OCM: variants seen among roughly 807,000 people sequenced by gnomAD.
The protein encoded by OCM is oncomodulin-1.
A neutral mutation model predicts 14.1 loss-of-function variants in OCM; 18 were observed. The observed-to-expected ratio is 1.28, with a 90% CI of 0.88 to 1.89. The LOEUF (loss-of-function observed/expected upper bound fraction) is 1.89, where lower values mean the gene tolerates loss of function less well. Ranked by LOEUF, OCM falls within the 40% of genes most tolerant of loss-of-function variation. The pLI, the probability that OCM is intolerant of heterozygous loss-of-function variation, is 0.00. For missense variants in OCM, 140 were observed against 137.6 expected (o/e 1.02, Z -0.09); for synonymous variants, 48 against 51.0 (o/e 0.94, Z 0.25).
the OCM span, among the ~76,000 whole-genome samples, chr7:5,874,440 G>A: frequency 1.3e-5 from 2 of 152,048 alleles, no homozygotes; most frequent in South Asian, 2.1e-4. Flanking sequence ...TGCAACATAT[G>A]TCAGATGCAT....
the OCM span, among the ~76,000 whole-genome samples, chr7:5,862,011 T>A: frequency 6.6e-6 from 1 of 152,148 alleles, no homozygotes; most frequent in Non-Finnish European, 1.5e-5. Context: ...GTGATCCTCC[T>A]GCGTCAGCCT....
upstream of OCM, among the ~76,000 whole-genome samples, chr7:5,879,455 A>C (rs998053869): frequency 2.0e-5 from 3 of 151,888 alleles, no homozygotes; most frequent in African/African-American, 7.3e-5. Flanking sequence ...GAGTCTGTCA[A>C]CTCCAGACTG....
upstream of OCM, among the ~76,000 whole-genome samples, chr7:5,878,819 G>C (rs1466621348): frequency 8.2e-6 from 1 of 122,666 alleles, no homozygotes; most frequent in African/African-American, 3.0e-5. Flanking sequence ...TAATTAAAAA[G>C]AACAGTCTAG....
chr7:5,870,217 C>T, the OCM span, among the ~76,000 whole-genome samples: 3 of 152,044 alleles, frequency 2.0e-5, no homozygotes, highest in Non-Finnish European at 2.9e-5. Context: ...AGCCATCCAT[C>T]CTCCCACCTC....
chr7:5,870,325 T>C, the OCM span, among the ~76,000 whole-genome samples: 1 of 152,162 alleles, frequency 6.6e-6, no homozygotes, highest in Non-Finnish European at 1.5e-5. Flanking sequence ...TTGCCCAATC[T>C]GGTCTCAAAC....
chr7:5,883,870 G>T lies in OCM; in HGVS notation c.195-20G>T. On this transcript the variant is annotated intron_variant, in intron 2 of 3. Transcript: ENST00000242104. ...GCATGATCTTTTTGAAAATCCCCAT[G>T]GATCTTTATTATCCTGTAGGTTTTT... is the stretch of plus-strand genomic sequence containing the variant. The T allele has an allele frequency of 6.2e-7, 1 of 1,612,176 alleles. No individual in the cohort carries two copies. Among genetic ancestry groups the T allele is most frequent in the South Asian group, 1.1e-5 (1 of 90,894 alleles).
chr7:5,878,354 A>G (rs111717398), upstream of OCM, among the ~76,000 whole-genome samples: 12,483 of 152,068 alleles, frequency 0.082, 612 homozygotes, highest in Admixed American at 0.12. Context: ...AGCTCAGTGG[A>G]TACAGAGTTT....
intron 1 of OCM, among the ~76,000 whole-genome samples, chr7:5,881,317 A>C (rs1329624170): frequency 1.4e-5 from 2 of 146,734 alleles, no homozygotes; most frequent in Admixed American, 6.8e-5. Flanking sequence ...GACTCTGTCT[A>C]CAAAAAAAAA....
chr7:5,867,087 A>G, the OCM span, among the ~76,000 whole-genome samples: 1 of 152,274 alleles, frequency 6.6e-6, no homozygotes, highest in Middle Eastern at 3.4e-3. Context: ...TCCAATTGCT[A>G]AGAGAAGCAA....
At chr7:5,877,775 A>T (rs1462205812), upstream of OCM, among the ~76,000 whole-genome samples, 28 of 128,642 alleles carry the variant, frequency 2.2e-4, no homozygotes, top group African/African-American at 8.0e-4. Context: ...AGCCAAGATC[A>T]TGCCTCTGCA....
At chr7:5,882,114 AAAAAAGCG>A (rs1781229993) in intron 1 of OCM, among the ~76,000 whole-genome samples, 3 of 119,212 alleles carry the variant, frequency 2.5e-5, no homozygotes, top group African/African-American at 9.6e-5. Flanking sequence ...AAAAAAAAAA[AAAAAAGCG>A]CCAAAGGCCA....
At chr7:5,875,058 A>ATT (rs67221316), upstream of OCM, among the ~76,000 whole-genome samples, 3 of 134,622 alleles carry the variant, frequency 2.2e-5, no homozygotes, top group East Asian at 4.2e-4. Context: ...ATATATATGT[A>ATT]TTTTTTTTTT....
chr7:5,885,516 T>A (rs1781312839), intron 3 of OCM, among the ~76,000 whole-genome samples: 1 of 152,084 alleles, frequency 6.6e-6, no homozygotes, highest in African/African-American at 2.4e-5. Flanking sequence ...AAGCTGAAGA[T>A]GTTTGTTAAA....
At chr7:5,880,347 G>C (rs1458259386), upstream of OCM, among the ~76,000 whole-genome samples, 2 of 151,150 alleles carry the variant, frequency 1.3e-5, no homozygotes, top group Admixed American at 1.3e-4. Context: ...TTCCATTTTT[G>C]GCATGTATTC....
the OCM span, among the ~76,000 whole-genome samples, chr7:5,862,003 G>A: frequency 6.6e-6 from 1 of 152,126 alleles, no homozygotes; most frequent in Non-Finnish European, 1.5e-5. Flanking sequence ...GAGCTCAAGT[G>A]ATCCTCCTGC....
chr7:5,868,315 C>G, the OCM span, among the ~76,000 whole-genome samples: 3 of 151,860 alleles, frequency 2.0e-5, no homozygotes, highest in South Asian at 6.3e-4. Context: ...CCCAGGAGAA[C>G]TTTTTAATTT....
the OCM span, among the ~76,000 whole-genome samples, chr7:5,860,508 A>G: frequency 7.3e-6 from 1 of 136,264 alleles, no homozygotes; most frequent in African/African-American, 2.7e-5. Flanking sequence ...TATTACGTAT[A>G]TATACGTGTA....
chr7:5,868,742 A>G, the OCM span, among the ~76,000 whole-genome samples: 2 of 152,260 alleles, frequency 1.3e-5, no homozygotes, highest in Admixed American at 6.5e-5. Context: ...GCTCTGGGCT[A>G]CCCAGAAAGT....
At chr7:5,884,508 A>T (rs904253463) in intron 3 of OCM, among the ~76,000 whole-genome samples, 3 of 152,032 alleles carry the variant, frequency 2.0e-5, no homozygotes, top group Non-Finnish European at 2.9e-5. Context: ...AAATAAGCCA[A>T]CCTCATTTAT....
Sources: allele counts gnomAD v4.1 joint callset (sites outside exome capture counted in the v4.1 genomes callset), GRCh38; gene constraint gnomAD v4.1.1; transcripts MANE v1.5; gene names NCBI Gene and HGNC (gene_info 2026-07-23, HGNC 2026-07-21).